Variants in RBFOX1 observed in about 807,000 individuals in gnomAD.
The protein encoded by RBFOX1 is RNA binding protein fox-1 homolog 1.
In RBFOX1, 8 loss-of-function variants were observed where a neutral mutation model predicts 57.7. The observed-to-expected ratio is 0.14, with a 90% CI of 0.08 to 0.25. The LOEUF (loss-of-function observed/expected upper bound fraction) is 0.25, where lower values mean the gene tolerates loss of function less well. Ranked by LOEUF, RBFOX1 falls within the 10% of genes least tolerant of loss-of-function variation. The probability of loss-of-function intolerance (pLI) is 1.00; values close to 1 mark genes in which losing one functional copy is unlikely to be tolerated. For missense variants in RBFOX1, 611 were observed against 548.5 expected, an observed-to-expected ratio of 1.11 and a Z score of -1.14; for synonymous variants, 326 against 222.4, an observed-to-expected ratio of 1.47 and a Z score of -4.15.
intron 1 of RBFOX1, among the ~76,000 whole-genome samples, chr16:5,368,226 A>T (rs1957448145): frequency 6.6e-6 from 1 of 152,214 alleles, no homozygotes; most frequent in African/African-American, 2.4e-5. Context: ...ATCATTGGAG[A>T]AGCGTGAGGC....
intron 2 of RBFOX1, among the ~76,000 whole-genome samples, chr16:6,607,556 C>T (rs12445979): frequency 1.4e-5 from 2 of 145,186 alleles, no homozygotes; most frequent in Non-Finnish European, 1.5e-5. Flanking sequence ...CTCCTCTTTC[C>T]CTCTTCCTCC....
At chr16:6,118,142 A>C (rs1293452093) in intron 1 of RBFOX1, among the ~76,000 whole-genome samples, 1 of 152,206 alleles carries the variant, frequency 6.6e-6, no homozygotes, top group Non-Finnish European at 1.5e-5. Context: ...AATAGAAACT[A>C]ATAAGTTAGC....
chr16:7,079,342 A>AAGGGG (rs1412986071), intron 4 of RBFOX1, among the ~76,000 whole-genome samples: 8 of 152,126 alleles, frequency 5.3e-5, no homozygotes, highest in Non-Finnish European at 5.9e-5. Context: ...TTCCTAAAAG[A>AAGGGG]AGGGGAGCAG....
At chr16:7,216,616 C>G (rs190925073) in intron 4 of RBFOX1, among the ~76,000 whole-genome samples, 1 of 152,100 alleles carries the variant, frequency 6.6e-6, no homozygotes, top group Non-Finnish European at 1.5e-5. Context: ...CCAGATCGTA[C>G]CGCTGTACTC....
At chr16:6,435,941 C>G (rs1176935568) in intron 2 of RBFOX1, among the ~76,000 whole-genome samples, 1 of 152,122 alleles carries the variant, frequency 6.6e-6, no homozygotes, top group African/African-American at 2.4e-5. Context: ...CCACCACGAA[C>G]TTCACTTAGC....
intron 3 of RBFOX1, among the ~76,000 whole-genome samples, chr16:6,846,912 C>G (rs1284184463): frequency 6.9e-6 from 1 of 144,602 alleles, no homozygotes; most frequent in African/African-American, 2.9e-5. Flanking sequence ...CTAAATTACC[C>G]TAGGAAACAA....
At chr16:7,077,864 G>A (rs2058548394) in intron 4 of RBFOX1, among the ~76,000 whole-genome samples, 2 of 152,104 alleles carry the variant, frequency 1.3e-5, no homozygotes, top group African/African-American at 4.8e-5. Context: ...CAGTCCATTA[G>A]CTACTTTGTA....
chr16:7,400,786 G>C (rs556009324), intron 4 of RBFOX1, among the ~76,000 whole-genome samples: 3 of 152,326 alleles, frequency 2.0e-5, no homozygotes, highest in African/African-American at 7.2e-5. Context: ...GTTCCCAGCA[G>C]CATGGTGGTG....
chr16:7,254,301 T>C lies in RBFOX1; in HGVS notation c.27+202203T>C, dbSNP rs550777098. ...AAGAAATTCTTGACTCATTTGCCTTTAGCCCTTTTCTTGGATTACTAATTC... is the reference window on the plus strand; with the variant it reads ...AAGAAATTCTTGACTCATTTGCCTTCAGCCCTTTTCTTGGATTACTAATTC... On this transcript the variant is annotated intron_variant, in intron 4 of 15. Transcript: ENST00000550418. Among the ~76,000 whole-genome samples, 6 of 152,312 alleles carry C rather than the reference T, an allele frequency of 3.9e-5. No individual in the cohort carries two copies. The South Asian group carries it at 1.2e-3, about 32-fold the overall frequency.
At chr16:6,576,123 A>C (rs2097431916) in intron 2 of RBFOX1, among the ~76,000 whole-genome samples, 1 of 152,220 alleles carries the variant, frequency 6.6e-6, no homozygotes, top group African/African-American at 2.4e-5. Flanking sequence ...TATGATTAGC[A>C]TCTACTTTAT....
In RBFOX1 at chr16:6,445,287, G is replaced by A. The variant is rs1330741025; in HGVS notation, c.-64+128230G>A. Reference sequence around the variant, plus strand: ...AAGTTGTAGGGTACATGTGCTCAACGTGCAGGTTTGTTACATATGTATACA... The same window carrying A: ...AAGTTGTAGGGTACATGTGCTCAACATGCAGGTTTGTTACATATGTATACA... On this transcript the variant is annotated intron_variant, in intron 2 of 15. Coordinates refer to ENST00000550418, the MANE Select transcript of RBFOX1 (RefSeq NM_018723.4). 2.0e-5 allele frequency among the ~76,000 whole-genome samples: 3 copies of A among 152,056 alleles called. No individual in the cohort carries two copies. In the South Asian group the frequency reaches 6.3e-4, roughly 32 times the overall value.
intron 2 of RBFOX1, among the ~76,000 whole-genome samples, chr16:6,321,528 T>C (rs1269444545): frequency 6.6e-6 from 1 of 152,254 alleles, no homozygotes; most frequent in African/African-American, 2.4e-5. Flanking sequence ...CCTGGGACTC[T>C]GCACAATGCC....
At chr16:6,354,562 C>T (rs763357082) in intron 2 of RBFOX1, among the ~76,000 whole-genome samples, 6 of 152,154 alleles carry the variant, frequency 3.9e-5, no homozygotes, top group Non-Finnish European at 7.3e-5. Context: ...CCTATGATCT[C>T]GCAGGCCCCT....
intron 2 of RBFOX1, among the ~76,000 whole-genome samples, chr16:5,508,975 A>C (rs1464602064): frequency 6.6e-6 from 1 of 152,172 alleles, no homozygotes; most frequent in African/African-American, 2.4e-5. Flanking sequence ...CAGTGGATGT[A>C]CTTAAACTCC....
At chr16:7,192,576 C>T (rs2085682884) in intron 4 of RBFOX1, among the ~76,000 whole-genome samples, 1 of 152,096 alleles carries the variant, frequency 6.6e-6, no homozygotes, top group African/African-American at 2.4e-5. Flanking sequence ...TATGTGAAAT[C>T]ATAGAGGAGA....
Position 6,194,928 on chromosome 16 carries a change from T to C in RBFOX1, c.-126-122067T>C, listed in dbSNP as rs138280991. Among the ~76,000 whole-genome samples, 20 of 152,296 alleles carry C rather than the reference T, an allele frequency of 1.3e-4. No homozygotes were observed. The East Asian group carries it at 3.9e-3, about 29-fold the overall frequency. ...TGAATGAGTGAGTAGATATGAATAG[T>C]TTTCAAGATTTTTAGGAAACCAACC... On this transcript the variant is annotated intron_variant, in intron 1 of 15. Transcript: ENST00000550418.
intron 4 of RBFOX1, among the ~76,000 whole-genome samples, chr16:7,388,104 A>T (rs796413805): frequency 6.6e-6 from 1 of 152,110 alleles, no homozygotes; most frequent in African/African-American, 2.4e-5. Context: ...TCAAGATCAT[A>T]TAAACATAAT....
At chr16:6,983,080 A>AGTG (rs1419777856) in intron 3 of RBFOX1, among the ~76,000 whole-genome samples, 1 of 144,906 alleles carries the variant, frequency 6.9e-6, no homozygotes, top group East Asian at 2.1e-4. Context: ...ATTACTGGGG[A>AGTG]GTGGCCATGC....
At chr16:6,776,006 T>A (rs755545355) in intron 3 of RBFOX1, 1 of 152,204 alleles carries the variant, frequency 6.6e-6, no homozygotes, top group Non-Finnish European at 1.5e-5. Context: ...CAAATTTCTT[T>A]CCCAGGTTAG....
Sources: allele counts gnomAD v4.1 joint callset (sites outside exome capture counted in the v4.1 genomes callset), GRCh38; gene constraint gnomAD v4.1.1; transcripts MANE v1.5; gene names NCBI Gene and HGNC (gene_info 2026-07-23, HGNC 2026-07-21).